Variants in LCN15 observed in about 807,000 individuals in gnomAD.
The protein encoded by LCN15 is lipocalin-15.
In LCN15, 26 loss-of-function variants were observed where a neutral mutation model predicts 23.1. The observed-to-expected ratio is 1.13, with a 90% CI of 0.82 to 1.56. The LOEUF (loss-of-function observed/expected upper bound fraction) is 1.56, where lower values mean the gene tolerates loss of function less well. Ranked by LOEUF, LCN15 falls within the 40% of genes most tolerant of loss-of-function variation. The probability of loss-of-function intolerance (pLI) is 0.00; values close to 1 mark genes in which losing one functional copy is unlikely to be tolerated. For synonymous variants in LCN15, 107 were observed against 98.3 expected, an observed-to-expected ratio of 1.09 and a Z score of -0.52; for missense variants, 241 against 239.5, an observed-to-expected ratio of 1.01 and a Z score of -0.04.
chr9:136,764,045 C>T (rs1394636196), intron 1 of LCN15, 36 bp from the exon 2 acceptor site: 2 of 1,603,128 alleles, frequency 1.2e-6, no homozygotes, highest in Non-Finnish European at 1.7e-6. Flanking sequence ...GCCAGGACAG[C>T]CAGCAGCAGG....
At position 136,763,381 on chromosome 9, in the gene LCN15, G is replaced by GC. The variant is rs1221655968; in HGVS notation, c.393_394insG (p.Leu132AlafsTer48). The GC allele has an allele frequency of 5.6e-6, 9 of 1,597,774 alleles. No individual in the cohort carries two copies. The highest frequency in any genetic ancestry group is 7.7e-6 in the Non-Finnish European group (9 of 1,172,188). On this transcript the variant is annotated frameshift_variant, in exon 4 of 7. Transcript: ENST00000316144. LOFTEE classifies it high-confidence loss of function. ...CTGTAGAGCTGCACCATGGTGCTGAGGGCCCCCTCCAGCTCCTTGTAGATG... is the reference window on the plus strand; with the variant it reads ...CTGTAGAGCTGCACCATGGTGCTGAGCGGCCCCCTCCAGCTCCTTGTAGATG...
intron 6 of LCN15, among the ~76,000 whole-genome samples, chr9:136,760,455 A>T (rs1588312584): frequency 6.6e-6 from 1 of 152,340 alleles, no homozygotes; most frequent in East Asian, 1.9e-4. Flanking sequence ...ACGCAACAGC[A>T]GCACGGCAGA....
chr9:136,762,916 C>T (rs1425526602), intron 4 of LCN15, among the ~76,000 whole-genome samples: 1 of 81,254 alleles, frequency 1.2e-5, no homozygotes, highest in Non-Finnish European at 2.5e-5. Context: ...GAGTGAGACT[C>T]CATATTAAAA....
In LCN15 at chr9:136,763,413, A is replaced by G. The variant is rs1467961006; in HGVS notation, c.362T>C (p.Val121Ala). Residue 121 changes from valine (V) to alanine (A), a missense_variant, in exon 4 of 7, where the codon GTC (valine) becomes GCC (alanine). Transcript: ENST00000316144. ...IVDTDYSSFAVLYIYKELEGA... is the reference protein window; with the variant it reads ...IVDTDYSSFAALYIYKELEGA... ...CTCCAGCTCCTTGTAGATGTAAAGG[A>G]CGGCGAAGGAGCTGTAGTCTGTGTC... 1 of 1,609,584 alleles carries G rather than the reference A, an allele frequency of 6.2e-7. No individual in the cohort carries two copies.
Position 136,763,978 on chromosome 9 carries a change from G to A in LCN15, c.128C>T (p.Ala43Val). ...GCCCAGGAAGACCCTGCAGTCAGAT[G>A]CCATGGAGACCACGTACCAGAGGCC... is the stretch of plus-strand genomic sequence containing the variant. The part of the protein sequence containing the change: ...FSGLWYVVSM[A>V]SDCRVFLGKK... The change falls in exon 2 of 7, where the codon GCA (alanine) becomes GTA (valine). Residue 43 changes from alanine to valine, a missense_variant. Ala to Val is a moderately conservative substitution (Grantham distance 64, BLOSUM62 0). Transcript: ENST00000316144. The A allele has an allele frequency of 5.6e-6, 9 of 1,613,382 alleles. No homozygotes were observed. The highest frequency in any genetic ancestry group is 7.6e-6 in the Non-Finnish European group (9 of 1,179,974).
chr9:136,764,142 G>T, intron 1 of LCN15, 133 bp from the exon 2 acceptor site: 1 of 1,151,278 alleles, frequency 8.7e-7, no homozygotes, highest in Non-Finnish European at 1.2e-6. Context: ...TGTGAGCTGA[G>T]CCCAGGTGGA....
At chr9:136,760,909 A>G (rs1588312840) in intron 6 of LCN15, among the ~76,000 whole-genome samples, 1 of 152,204 alleles carries the variant, frequency 6.6e-6, no homozygotes, top group Non-Finnish European at 1.5e-5. Context: ...TGCAGATACC[A>G]CTAGTTTAGA....
intron 6 of LCN15, among the ~76,000 whole-genome samples, chr9:136,760,302 C>G (rs2131097597): frequency 6.6e-6 from 1 of 152,346 alleles, no homozygotes; most frequent in East Asian, 1.9e-4. Context: ...TTTCCCAACC[C>G]AGCGGGGGTG....
rs769751271 is a variant in LCN15, at chr9:136,763,355, A to G, written c.418+2T>C. Reference sequence around the variant, plus strand: ...GTGCGGGGAGGTGGGACAGGCACTCACTGTAGAGCTGCACCATGGTGCTGA... The same window carrying G: ...GTGCGGGGAGGTGGGACAGGCACTCGCTGTAGAGCTGCACCATGGTGCTGA... On this transcript the variant is annotated splice_donor_variant, in intron 4 of 6. Transcript: ENST00000316144. LOFTEE classifies it high-confidence loss of function. 5.8e-5 allele frequency: 88 copies of G among 1,516,730 alleles called. No homozygotes were observed. In the East Asian group the frequency reaches 1.1e-3, roughly 18 times the overall value. The allele number at this position is 1,516,730 out of a possible 1,614,324, so 94.0% of individuals were successfully genotyped here.
At chr9:136,760,324 G>T (rs961562192) in intron 6 of LCN15, among the ~76,000 whole-genome samples, 1 of 152,204 alleles carries the variant, frequency 6.6e-6, no homozygotes, top group African/African-American at 2.4e-5. Context: ...GCAGGGAGAC[G>T]TTGGTGCAGA....
rs774201615 is a variant in LCN15 at position 136,763,446 on chromosome 9, C to T, written c.329G>A (p.Arg110His). The change falls in exon 4 of 7, where the codon CGC becomes CAC. Residue 110 changes from arginine (R) to histidine (H), a missense_variant. Coordinates refer to ENST00000316144, the MANE Select transcript of LCN15 (RefSeq NM_203347.2). ...GGAGCTGTAGTCTGTGTCCACGATGCGCACGTCCAGGTAGCCCAAGGCTGC... is the reference window on the plus strand; with the variant it reads ...GGAGCTGTAGTCTGTGTCCACGATGTGCACGTCCAGGTAGCCCAAGGCTGC... ...RVPALGYLDV[R>H]IVDTDYSSFA... 3.5e-5 allele frequency: 57 copies of T among 1,608,326 alleles called. No homozygotes were observed. The highest frequency in any genetic ancestry group is 4.7e-5 in the Non-Finnish European group (55 of 1,177,962).
In LCN15 at chr9:136,761,761, T is replaced by TC; in HGVS notation, c.*32+25dup. 1 of 1,159,988 alleles carries TC rather than the reference T, an allele frequency of 8.6e-7. No individual in the cohort carries two copies. The highest frequency in any genetic ancestry group is 1.1e-6 in the Non-Finnish European group (1 of 918,134). 71.9% of individuals were successfully genotyped at this position (1,159,988 alleles called of 1,614,324 possible). The stretch of plus-strand genomic sequence containing the variant: ...AGGGAGGGGAGAGGCAACCAGGGCA[T>TC]CCCCTGCAGGGCCTGGAGAACCCAC... On this transcript the variant is annotated intron_variant, in intron 6 of 6. Coordinates refer to ENST00000316144, the MANE Select transcript of LCN15 (RefSeq NM_203347.2). The surrounding 1 kb of genome is among the most constrained non-coding windows in gnomAD (Gnocchi z 4.2).
chr9:136,760,511 G>A (rs995337958), intron 6 of LCN15, among the ~76,000 whole-genome samples: 2 of 152,172 alleles, frequency 1.3e-5, no homozygotes, highest in Admixed American at 1.3e-4. Flanking sequence ...ACCTCCTCCC[G>A]CCATGCCAGG....
intron 4 of LCN15, 80 bp from the exon 5 acceptor site, chr9:136,762,369 C>T: frequency 1.2e-6 from 1 of 821,512 alleles, no homozygotes; most frequent in Non-Finnish European, 2.0e-6. Context: ...CTCCACCAGC[C>T]TGAGGGCTGA....
rs1214730312 is a variant in LCN15 at position 136,761,417 on chromosome 9, C to A, written c.*32+370G>T. 2.6e-5 allele frequency among the ~76,000 whole-genome samples: 4 copies of A among 152,158 alleles called. No individual in the cohort carries two copies. The highest frequency in any genetic ancestry group is 5.9e-5 in the Non-Finnish European group (4 of 68,016). On this transcript the variant is annotated intron_variant, in intron 6 of 6. Coordinates refer to ENST00000316144, the MANE Select transcript of LCN15 (RefSeq NM_203347.2). This position sits in a 1 kb window ranked among gnomAD's most constrained non-coding sequence, Gnocchi z 4.2. The stretch of plus-strand genomic sequence containing the variant: ...CTGAGATTACAGGTGTGCACCACCA[C>A]GCCCAGCTAAGTTTTGTATTTTTAG...
Position 136,761,811 on chromosome 9 carries a change from C to T in LCN15, c.*8G>A, listed in dbSNP as rs757016017. 2.3e-6 allele frequency: 3 copies of T among 1,289,254 alleles called. No individual in the cohort carries two copies. Among genetic ancestry groups the T allele is most frequent in the African/African-American group, 1.5e-5 (1 of 65,710 alleles). The allele number at this position is 1,289,254 out of a possible 1,614,324, so 79.9% of individuals were successfully genotyped here. A position where few individuals can be genotyped will look rare whatever the true frequency, so the allele number is the denominator to read the frequency against. ...CCTGGGAAGGGCGGGGGTGGGGCTCCGGAGGTGTCAGGGCGCCTCCTTGCT... is the reference window on the plus strand; with the variant it reads ...CCTGGGAAGGGCGGGGGTGGGGCTCTGGAGGTGTCAGGGCGCCTCCTTGCT... On this transcript the variant is annotated 3_prime_UTR_variant, in exon 6 of 7. Transcript: ENST00000316144. The surrounding 1 kb of genome is among the most constrained non-coding windows in gnomAD (Gnocchi z 4.2).
Position 136,763,884 on chromosome 9 carries a change from G to A in LCN15, c.222C>T (p.His74=), listed in dbSNP as rs367800986. ...AAGTAACTCACCCCGGGAACTCCATGTGGACGTGGAGGCCGCCCTCCTCTG... is the reference window on the plus strand; with the variant it reads ...AAGTAACTCACCCCGGGAACTCCATATGGACGTGGAGGCCGCCCTCCTCTG... The part of the protein sequence containing the change: ...RPTEEGGLHV[H]MEFPGADGCN... The change falls in exon 2 of 7, where the codon CAC becomes CAT. Residue 74 remains histidine (H), a synonymous_variant. Transcript: ENST00000316144. 2.6e-5 allele frequency: 42 copies of A among 1,613,506 alleles called. No individual in the cohort carries two copies. The highest frequency in any genetic ancestry group is 3.6e-5 in the Non-Finnish European group (42 of 1,179,942).
intron 1 of LCN15, 131 bp from the exon 2 acceptor site, chr9:136,764,140 G>A (rs1302807083): frequency 1.7e-6 from 2 of 1,156,532 alleles, no homozygotes; most frequent in African/African-American, 3.1e-5. Context: ...GGTGTGAGCT[G>A]AGCCCAGGTG....
chr9:136,763,218 G>T (rs1847339578), intron 4 of LCN15, 139 bp downstream of exon 4: 1 of 561,982 alleles, frequency 1.8e-6, no homozygotes, highest in Non-Finnish European at 3.1e-6. Flanking sequence ...CCTAAAAGGC[G>T]GGGGGCGGAG....
Sources: allele counts gnomAD v4.1 joint callset (sites outside exome capture counted in the v4.1 genomes callset), GRCh38; gene constraint gnomAD v4.1.1; non-coding constraint Gnocchi (gnomAD v3.1); transcripts MANE v1.5; gene names NCBI Gene and HGNC (gene_info 2026-07-23, HGNC 2026-07-21).